The following SAMD4A variants were observed in gnomAD, a reference collection of about 807,000 sequenced individuals.
SAMD4A encodes sterile alpha motif domain containing 4A.
In SAMD4A, 33 loss-of-function variants were observed where a neutral mutation model predicts 81.3. The ratio of observed to expected loss-of-function variants is 0.41; its 90% CI spans 0.31 to 0.54. The LOEUF (loss-of-function observed/expected upper bound fraction) is 0.54, where lower values mean the gene tolerates loss of function less well. Among genes scored for constraint, SAMD4A ranks in the 20% least tolerant of loss-of-function variants. The probability of loss-of-function intolerance (pLI) is 0.37; values close to 1 mark genes in which losing one functional copy is unlikely to be tolerated. For missense variants in SAMD4A, 854 were observed against 951.1 expected (o/e 0.90, Z 1.34); for synonymous variants, 389 against 382.1 (o/e 1.02, Z -0.21).
Position 54,777,782 on chromosome 14 carries a change from C to G in SAMD4A, c.2044+1242C>G, listed in dbSNP as rs893360861. ...GAGCGACAGCTACCCAGTGCAGAGG[C>G]CTGCTCACATTGCTTCTTGACTTCC... On this transcript the variant is annotated intron_variant, in intron 11 of 12. Transcript: ENST00000554335. 3.9e-5 allele frequency among the ~76,000 whole-genome samples: 6 copies of G among 152,262 alleles called. No homozygotes were observed. In the East Asian group the frequency reaches 1.2e-3, roughly 29 times the overall value.
chr14:54,698,542 G>T (rs1232970714), intron 2 of SAMD4A, among the ~76,000 whole-genome samples: 1 of 152,200 alleles, frequency 6.6e-6, no homozygotes, highest in Non-Finnish European at 1.5e-5. Context: ...TTCTTGGGAG[G>T]ATTAAGTGAG....
At chr14:54,651,745 T>C (rs1173205835) in intron 2 of SAMD4A, among the ~76,000 whole-genome samples, 2 of 152,196 alleles carry the variant, frequency 1.3e-5, no homozygotes, top group East Asian at 3.8e-4. Context: ...TGAGCCAAAG[T>C]AGTGATGTAT....
At chr14:54,656,558 A>C (rs1250576440) in intron 2 of SAMD4A, among the ~76,000 whole-genome samples, 1 of 152,204 alleles carries the variant, frequency 6.6e-6, no homozygotes, top group Non-Finnish European at 1.5e-5. Flanking sequence ...ATACTTACAC[A>C]GTTGTTCTTT....
chr14:54,578,131 G>A (rs1316973813), intron 2 of SAMD4A, among the ~76,000 whole-genome samples: 4 of 152,184 alleles, frequency 2.6e-5, no homozygotes, highest in Non-Finnish European at 5.9e-5. Context: ...CCTATGAGAT[G>A]AGGTAGGAAC....
At chr14:54,614,188 G>T (rs1037507138) in intron 2 of SAMD4A, among the ~76,000 whole-genome samples, 3 of 152,084 alleles carry the variant, frequency 2.0e-5, no homozygotes, top group African/African-American at 7.2e-5. Flanking sequence ...TAAAAACTGT[G>T]GCTCTTCTCA....
intron 3 of SAMD4A, among the ~76,000 whole-genome samples, chr14:54,736,704 C>T (rs8009669): frequency 0.11 from 16,353 of 152,254 alleles, 1,429 homozygotes; most frequent in East Asian, 0.34. Flanking sequence ...GCCTGATTTA[C>T]GGACCCCGTC....
intron 2 of SAMD4A, among the ~76,000 whole-genome samples, chr14:54,690,216 A>G (rs926106306): frequency 1.3e-5 from 2 of 152,106 alleles, no homozygotes; most frequent in Admixed American, 1.3e-4. Context: ...AGAAAAGGCA[A>G]TGAGGGCCCA....
At chr14:54,660,591 C>G (rs940598309) in intron 2 of SAMD4A, among the ~76,000 whole-genome samples, 2 of 152,180 alleles carry the variant, frequency 1.3e-5, no homozygotes, top group African/African-American at 4.8e-5. Context: ...GGTGAAGAAT[C>G]CAGTCATCAC....
chr14:54,659,207 G>C (rs7155089), intron 2 of SAMD4A, among the ~76,000 whole-genome samples: 76,895 of 152,038 alleles, frequency 0.51, 19,931 homozygotes, highest in African/African-American at 0.59. Flanking sequence ...AACATTTGTT[G>C]AAGACACTAG....
At chr14:54,670,877 T>G (rs879549724) in intron 2 of SAMD4A, among the ~76,000 whole-genome samples, 1 of 152,146 alleles carries the variant, frequency 6.6e-6, no homozygotes, top group East Asian at 1.9e-4. Flanking sequence ...AAAGTAAATA[T>G]AAACATTGCA....
intron 2 of SAMD4A, among the ~76,000 whole-genome samples, chr14:54,598,805 C>A (rs2033979493): frequency 6.6e-6 from 1 of 150,790 alleles, no homozygotes; most frequent in African/African-American, 2.5e-5. Context: ...TGTTCCCTCT[C>A]CCCTCCCCTC....
At chr14:54,637,569 G>A (rs973090676) in intron 2 of SAMD4A, among the ~76,000 whole-genome samples, 2 of 152,080 alleles carry the variant, frequency 1.3e-5, no homozygotes, top group Admixed American at 1.3e-4. Context: ...TCCACCTGGA[G>A]AAGAGACCTG....
chr14:54,702,579 A>G lies in SAMD4A; in HGVS notation c.714A>G (p.Thr238=). ...TINTIGTSTS[T]ILSGQAHHSP... ...ATACGATTGGAACCAGCACAAGTAC[A>G]AGTAAGTTCCCCGGAATCCCTTTAA... is the stretch of plus-strand genomic sequence containing the variant. The change falls in exon 3 of 13, where the codon ACA becomes ACG. Residue 238 remains threonine, a splice_region_variant and synonymous_variant. Coordinates refer to ENST00000554335, the MANE Select transcript of SAMD4A (RefSeq NM_015589.6). 2 of 1,613,548 alleles carry G rather than the reference A, an allele frequency of 1.2e-6. No individual in the cohort carries two copies. The highest frequency in any genetic ancestry group is 1.7e-6 in the Non-Finnish European group (2 of 1,179,602).
chr14:54,744,525 A>C (rs988008383), intron 4 of SAMD4A, among the ~76,000 whole-genome samples: 11 of 152,212 alleles, frequency 7.2e-5, no homozygotes, highest in East Asian at 3.8e-4. Flanking sequence ...TGAGTGTAGC[A>C]CTATTATCAA....
At chr14:54,568,190 G>C (rs1258324426) in intron 2 of SAMD4A, 78 bp downstream of exon 2, 66 of 1,289,308 alleles carry the variant, frequency 5.1e-5, no homozygotes, top group Admixed American at 4.1e-5. Context: ...CCTCGGGCCA[G>C]GCCGAGGCCA....
intron 2 of SAMD4A, among the ~76,000 whole-genome samples, chr14:54,680,538 C>T (rs981246417): frequency 4.6e-5 from 7 of 152,178 alleles, no homozygotes; most frequent in Non-Finnish European, 1.0e-4. Context: ...ATTGAAGTTA[C>T]TTAAGTTTGG....
In SAMD4A at chr14:54,659,443, G is replaced by A. The variant is rs576076515; in HGVS notation, c.197-42619G>A. ...ACATGTCCGTCTGTCTCTCTTTTTG[G>A]TTTGTTTGGTTTCGCAGTGTGGGTT... On this transcript the variant is annotated intron_variant, in intron 2 of 12. Transcript: ENST00000554335. Among the ~76,000 whole-genome samples the A allele has an allele frequency of 3.5e-4, 54 of 152,186 alleles. 2 individuals are homozygous for A. The South Asian group carries it at 0.011, about 30-fold the overall frequency.
At chr14:54,587,260 T>A (rs1193307032) in intron 2 of SAMD4A, among the ~76,000 whole-genome samples, 1 of 152,218 alleles carries the variant, frequency 6.6e-6, no homozygotes, top group East Asian at 1.9e-4. Context: ...GAACTACTGA[T>A]CTGTGTACAT....
At chr14:54,631,975 C>T (rs2034914466) in intron 2 of SAMD4A, among the ~76,000 whole-genome samples, 2 of 152,344 alleles carry the variant, frequency 1.3e-5, no homozygotes, top group Admixed American at 6.5e-5. Context: ...AGTTACTATA[C>T]ACCAGGTAGG....
Sources: gnomAD v4.1 joint callset for allele counts (sites outside exome capture counted in the v4.1 genomes callset) on GRCh38, gnomAD v4.1.1 for gene constraint, MANE v1.5 for transcripts, NCBI Gene and HGNC (gene_info 2026-07-23, HGNC 2026-07-21) for gene names.